Variants in PSD2 observed in about 807,000 individuals in gnomAD.
The protein encoded by PSD2 is PH and SEC7 domain-containing protein 2.
A neutral mutation model predicts 69.8 loss-of-function variants in PSD2; 38 were observed. That is an observed-to-expected ratio of 0.54 (90% CI 0.42 to 0.71). The LOEUF is 0.71. Among genes scored for constraint, PSD2 ranks in the 30% least tolerant of loss-of-function variants. The pLI is 0.00. For synonymous variants in PSD2, 412 were observed against 423.0 expected, an observed-to-expected ratio of 0.97 and a Z score of 0.32; for missense variants, 943 against 1,014.5, an observed-to-expected ratio of 0.93 and a Z score of 0.96.
In PSD2 at chr5:139,822,772, C is replaced by T. The variant is rs1333060954; in HGVS notation, c.1257C>T (p.Asp419=). ...GTGCCCTGATGCTGCTCAACACGGA[C>T]CTGCACGGCCACGTGAGTTGGGGAG... ...LTCALMLLNT[D]LHGHNIGKKM... is the part of the protein sequence containing the mutation. Residue 419 remains aspartate, a synonymous_variant, in exon 7 of 15, where the codon GAC becomes GAT. Transcript: ENST00000274710. The T allele has an allele frequency of 3.7e-6, 6 of 1,609,172 alleles. No individual in the cohort carries two copies. In the Admixed American group the frequency reaches 5.0e-5, roughly 14 times the overall value.
intron 1 of PSD2, among the ~76,000 whole-genome samples, chr5:139,801,401 T>A (rs1392983758): frequency 6.6e-6 from 1 of 152,184 alleles, no homozygotes; most frequent in Non-Finnish European, 1.5e-5. Context: ...CTCAGTCTTA[T>A]TGGCAGCATT....
chr5:139,772,952 G>A, the PSD2 span: 1 of 152,180 alleles, frequency 6.6e-6, no homozygotes, highest in African/African-American at 2.4e-5. Flanking sequence ...TACAGGTACT[G>A]TTCTTATGGA....
intron 5 of PSD2, among the ~76,000 whole-genome samples, chr5:139,819,781 G>T (rs1046987459): frequency 2.0e-5 from 3 of 152,216 alleles, no homozygotes; most frequent in Non-Finnish European, 4.4e-5. Context: ...GAGCTGAGTT[G>T]TAAAGATTGC....
chr5:139,766,929 CCTTCTTTCTTTCTTTCTTT>C, the PSD2 span, among the ~76,000 whole-genome samples: 2 of 19,514 alleles, frequency 1.0e-4, no homozygotes, highest in Non-Finnish European at 2.2e-4. Context: ...TCCTTCCTTC[CCTTCTTTCTTTCTTTCTTT>C]CTTTCTTTCT....
At chr5:139,807,123 ACTCTTAAAC>A (rs1431864146) in intron 1 of PSD2, among the ~76,000 whole-genome samples, 2 of 152,078 alleles carry the variant, frequency 1.3e-5, no homozygotes, top group Non-Finnish European at 2.9e-5. Context: ...AGCTGCTGAT[ACTCTTAAAC>A]CTCAGGTTTC....
At chr5:139,821,007 A>T (rs1221782488) in intron 5 of PSD2, among the ~76,000 whole-genome samples, 1 of 151,488 alleles carries the variant, frequency 6.6e-6, no homozygotes, top group Non-Finnish European at 1.5e-5. Flanking sequence ...ACCTTGGCTC[A>T]CCGCAACCTC....
At chr5:139,766,930 C>CTTCTTTCTTTCTTTCTTTCT in the PSD2 span, among the ~76,000 whole-genome samples, 29 of 44,116 alleles carry the variant, frequency 6.6e-4, no homozygotes, top group East Asian at 6.4e-3. Context: ...CCTTCCTTCC[C>CTTCTTTCTTTCTTTCTTTCT]TTCTTTCTTT....
the PSD2 span, among the ~76,000 whole-genome samples, chr5:139,787,959 C>T: frequency 1.3e-5 from 2 of 152,208 alleles, no homozygotes; most frequent in African/African-American, 4.8e-5. Flanking sequence ...GACGCGCAGG[C>T]TGATTTTTGA....
Position 139,809,497 on chromosome 5 carries a change from C to A in PSD2, c.57C>A (p.Asp19Glu), listed in dbSNP as rs1323419108. ...AVPEEGDATR[D>E]PGPEPEEEPG... is the part of the protein sequence containing the mutation. ...CTGAGGAAGGCGATGCCACCCGTGA[C>A]CCCGGTCCAGAGCCTGAAGAGGAGC... is the stretch of plus-strand genomic sequence containing the variant. The change falls in exon 2 of 15, where the codon GAC becomes GAA. Residue 19 changes from aspartate to glutamate, a missense_variant. This residue lies in a region of PSD2 where 466 missense variants were observed against 445.0 expected (regional missense o/e 1.05). Transcript: ENST00000274710. 1.2e-6 allele frequency: 2 copies of A among 1,612,840 alleles called. No individual in the cohort carries two copies. The highest frequency in any genetic ancestry group is 1.7e-6 in the Non-Finnish European group (2 of 1,179,490).
rs538038666 is a variant in PSD2, at chr5:139,841,858, G to A, written c.2113-413G>A. ...TAAAAATTTTGGGTTGTCTTCTGTTGTTGCATTCTGAGAGTTCTTTATATA... is the reference window on the plus strand; with the variant it reads ...TAAAAATTTTGGGTTGTCTTCTGTTATTGCATTCTGAGAGTTCTTTATATA... On this transcript the variant is annotated intron_variant, in intron 14 of 14. Coordinates refer to ENST00000274710, the MANE Select transcript of PSD2 (RefSeq NM_032289.4). Among the ~76,000 whole-genome samples, 12 of 152,254 alleles carry A rather than the reference G, an allele frequency of 7.9e-5. No individual in the cohort carries two copies. The South Asian group carries it at 1.2e-3, about 16-fold the overall frequency.
intron 7 of PSD2, among the ~76,000 whole-genome samples, 153 bp from the exon 8 acceptor site, chr5:139,833,549 G>T (rs1760643627): frequency 6.6e-6 from 1 of 152,170 alleles, no homozygotes; most frequent in Non-Finnish European, 1.5e-5. Flanking sequence ...AAAGAGTTTT[G>T]TAAACTCTTG....
Position 139,822,788 on chromosome 5 carries a change from A to G in PSD2, c.1269+4A>G. The G allele has an allele frequency of 6.2e-7, 1 of 1,604,726 alleles. No individual in the cohort carries two copies. The highest frequency in any genetic ancestry group is 8.5e-7 in the Non-Finnish European group (1 of 1,175,390). The stretch of plus-strand genomic sequence containing the variant: ...CAACACGGACCTGCACGGCCACGTG[A>G]GTTGGGGAGGTGACGGGGGGTGTCG... On this transcript the variant is annotated splice_donor_region_variant and intron_variant, in intron 7 of 14. Transcript: ENST00000274710.
Position 139,842,377 on chromosome 5 carries a change from A to T in PSD2, c.2219A>T (p.Asp740Val). 6.2e-7 allele frequency: 1 copy of T among 1,614,046 alleles called. No individual in the cohort carries two copies. The highest frequency in any genetic ancestry group is 2.2e-5 in the East Asian group (1 of 44,868). ...EARLATLEGD[D>V]PSLRKTHSSP... is the part of the protein sequence containing the mutation. Reference sequence around the variant, plus strand: ...CGGCTGGCCACTCTGGAAGGGGATGACCCTTCTCTCCGGAAGACACATTCA... The same window carrying T: ...CGGCTGGCCACTCTGGAAGGGGATGTCCCTTCTCTCCGGAAGACACATTCA... Residue 740 changes from aspartate (D) to valine (V), a missense_variant, in exon 15 of 15, where the codon GAC becomes GTC. By Grantham distance (152) the Asp-to-Val change is radical. Around this residue, in one of 3 missense-constraint regions of PSD2, gnomAD observed 165 missense variants for 168.8 expected, o/e 0.98. Coordinates refer to ENST00000274710, the MANE Select transcript of PSD2 (RefSeq NM_032289.4).
the PSD2 span, among the ~76,000 whole-genome samples, chr5:139,750,153 G>A: frequency 6.6e-5 from 10 of 151,854 alleles, no homozygotes; most frequent in Admixed American, 2.0e-4. Flanking sequence ...GTGAAACCCC[G>A]TCTCTACTAA....
intron 1 of PSD2, among the ~76,000 whole-genome samples, chr5:139,801,905 G>GCA (rs1759683417): frequency 6.6e-6 from 1 of 152,208 alleles, no homozygotes; most frequent in South Asian, 2.1e-4. Flanking sequence ...CCCATGTACA[G>GCA]CACATGGATG....
chr5:139,760,817 G>T, the PSD2 span, among the ~76,000 whole-genome samples: 2 of 152,130 alleles, frequency 1.3e-5, no homozygotes, highest in Non-Finnish European at 2.9e-5. Flanking sequence ...AAGCCTGCTG[G>T]GTGTGTGCTG....
chr5:139,766,678 C>T, the PSD2 span, among the ~76,000 whole-genome samples: 6 of 152,182 alleles, frequency 3.9e-5, no homozygotes, highest in Admixed American at 3.3e-4. Context: ...TTAGAGATGC[C>T]TCCTCCATCC....
At chr5:139,788,184 C>CA in the PSD2 span, among the ~76,000 whole-genome samples, 1 of 151,768 alleles carries the variant, frequency 6.6e-6, no homozygotes, top group African/African-American at 2.4e-5. Context: ...CCCGCGCCCC[C>CA]CCCCGAACCC....
rs1760049203 is a variant in PSD2, at chr5:139,814,006, T to A, written c.822-164T>A. ...CTATGCTGTGAGTTCACTTGAGAGG[T>A]TCTTCTGAAAGTCTGATTTCATTCC... On this transcript the variant is annotated intron_variant, in intron 3 of 14. Transcript: ENST00000274710. The surrounding 1 kb of genome is among the most constrained non-coding windows in gnomAD (Gnocchi z 4.4). Among the ~76,000 whole-genome samples, 1 of 152,148 alleles carries A rather than the reference T, an allele frequency of 6.6e-6. No homozygotes were observed. Among genetic ancestry groups the A allele is most frequent in the Non-Finnish European group, 1.5e-5 (1 of 68,008 alleles).
Sources: allele counts gnomAD v4.1 joint callset (sites outside exome capture counted in the v4.1 genomes callset), GRCh38; gene constraint gnomAD v4.1.1; regional missense constraint gnomAD v4.1.1; non-coding constraint Gnocchi (gnomAD v3.1); transcripts MANE v1.5; gene names NCBI Gene and HGNC (gene_info 2026-07-23, HGNC 2026-07-21).